Variants in ZNF808 observed in about 807,000 individuals in gnomAD.
ZNF808 encodes zinc finger protein 808.
A neutral mutation model predicts 8.7 loss-of-function variants in ZNF808; 5 were observed. That is an observed-to-expected ratio of 0.58 (90% confidence interval 0.30 to 1.21). The LOEUF (loss-of-function observed/expected upper bound fraction) is 1.21, where lower values mean the gene tolerates loss of function less well. Ranked by LOEUF, ZNF808 falls within the 50% of genes most tolerant of loss-of-function variation. ZNF808 has a pLI of 0.07. For missense variants in ZNF808, 1,103 were observed against 1,098.4 expected (o/e 1.00, Z -0.06); for synonymous variants, 380 against 366.0 (o/e 1.04, Z -0.44).
At chr19:52,563,604 G>A (rs12327639) in exon 4 of ZNF808, 50,226 of 153,498 alleles carry the variant, frequency 0.33, 8,680 homozygotes, top group African/African-American at 0.41. Flanking sequence ...ACAGGCTATG[G>A]AGTTGATGCC....
Position 52,553,619 on chromosome 19 carries a change from G to A in ZNF808, c.703G>A (p.Glu235Lys), listed in dbSNP as rs2059800509. 2.5e-6 allele frequency: 4 copies of A among 1,614,202 alleles called. No homozygotes were observed. The highest frequency in any genetic ancestry group is 2.2e-5 in the East Asian group (1 of 44,880). Reference sequence around the variant, plus strand: ...GAGAGAAAAATCTTTCCCATGTAATGAGAGTGGCAAAGCCTTTAATTGTAG... The same window carrying A: ...GAGAGAAAAATCTTTCCCATGTAATAAGAGTGGCAAAGCCTTTAATTGTAG... ...HMREKSFPCN[E>K]SGKAFNCSSL... Residue 235 changes from glutamate (E) to lysine (K), a missense_variant, in exon 5 of 5, where the codon GAG becomes AAG. Physicochemically the swap from Glu to Lys is moderately conservative, Grantham distance 56. Transcript: ENST00000359798.
Position 52,556,039 on chromosome 19 carries a change from G to C in ZNF808, c.*411G>C, listed in dbSNP as rs2059833326. 2 of 521,364 alleles carry C rather than the reference G, an allele frequency of 3.8e-6. No individual in the cohort carries two copies. The highest frequency in any genetic ancestry group is 3.1e-5 in the South Asian group (2 of 63,844). 32.3% of individuals were successfully genotyped at this position (521,364 alleles called of 1,614,324 possible). ...GAGAAAATTCATTTTTGAGATAACT[G>C]TTCCCAATGCAGTGAGTATAGCAAA... On this transcript the variant is annotated 3_prime_UTR_variant, in exon 5 of 5. Transcript: ENST00000359798.
intron 4 of ZNF808, among the ~76,000 whole-genome samples, chr19:52,552,201 T>C (rs1236521641): frequency 6.6e-6 from 1 of 151,704 alleles, no homozygotes; most frequent in African/African-American, 2.4e-5. Context: ...GTGTTTTTAG[T>C]AGAAACAGAG....
chr19:52,562,779 C>CT (rs34087948), intron 3 of ZNF808, among the ~76,000 whole-genome samples: 41 of 148,240 alleles, frequency 2.8e-4, no homozygotes, highest in Non-Finnish European at 4.2e-4. Context: ...TTAGTCAATT[C>CT]TTTTTTTTTT....
At position 52,555,270 on chromosome 19, in the gene ZNF808, A is replaced by G. The variant is rs1600041662; in HGVS notation, c.2354A>G (p.His785Arg). ...TCCCTTGTATACCATCGTAGACTTC[A>G]TACTGGAGAGAAATCTTACAAATGT... ...WSSLVYHRRL[H>R]TGEKSYKCTV... is the part of the protein sequence containing the mutation. Residue 785 changes from histidine (H) to arginine (R), a missense_variant, in exon 5 of 5, where the codon CAT (histidine) becomes CGT (arginine). His to Arg is a conservative substitution (Grantham distance 29). Transcript: ENST00000359798. 6.2e-7 allele frequency: 1 copy of G among 1,614,126 alleles called. No homozygotes were observed. Among genetic ancestry groups the G allele is most frequent in the Non-Finnish European group, 8.5e-7 (1 of 1,180,036 alleles).
chr19:52,541,806 C>G (rs2059673292), intron 2 of ZNF808, among the ~76,000 whole-genome samples: 1 of 152,152 alleles, frequency 6.6e-6, no homozygotes, highest in Non-Finnish European at 1.5e-5. Context: ...GGCGTCGCCC[C>G]TGAGCTCTAC....
In ZNF808 at chr19:52,531,004, C is replaced by G. The variant is rs1023515289; in HGVS notation, c.-121-1904C>G. ...CGCCCCCCAAAAAAAGAAAAATTAG[C>G]CAAGGGTGGTGGCATGCGTCTGTAG... is the stretch of plus-strand genomic sequence containing the variant. On this transcript the variant is annotated intron_variant, in intron 1 of 4. Transcript: ENST00000359798. Among the ~76,000 whole-genome samples, 63 of 151,918 alleles carry G rather than the reference C, an allele frequency of 4.1e-4. 2 individuals are homozygous for G. Among genetic ancestry groups the G allele is most frequent in the Admixed American group, 4.1e-3 (63 of 15,246 alleles).
chr19:52,561,212 C>CTA (rs374488821), downstream of ZNF808, among the ~76,000 whole-genome samples: 260 of 39,962 alleles, frequency 6.5e-3, no homozygotes, highest in African/African-American at 9.4e-3. Context: ...CTCTCTCTCT[C>CTA]TATATATATA....
At chr19:52,566,474 T>C (rs138386348), downstream of ZNF808, among the ~76,000 whole-genome samples, 2 of 152,128 alleles carry the variant, frequency 1.3e-5, no homozygotes, top group Non-Finnish European at 2.9e-5. Context: ...CCAAAAGATA[T>C]ATTTCTAGTA....
At chr19:52,560,361 ATAT>A (rs1247669398), downstream of ZNF808, among the ~76,000 whole-genome samples, 5 of 152,080 alleles carry the variant, frequency 3.3e-5, no homozygotes, top group East Asian at 3.9e-4. Context: ...ATAATTATTA[ATAT>A]TATTATTATT....
chr19:52,529,837 C>T (rs889927683), intron 1 of ZNF808, among the ~76,000 whole-genome samples: 1 of 151,878 alleles, frequency 6.6e-6, no homozygotes. Context: ...CCTCCTACCT[C>T]AGCCTTCTGA....
Position 52,554,915 on chromosome 19 carries a change from G to C in ZNF808, c.1999G>C (p.Val667Leu), listed in dbSNP as rs1339167503. The change falls in exon 5 of 5, where the codon GTA becomes CTA. Residue 667 changes from valine to leucine, a missense_variant. Physicochemically the swap from Val to Leu is conservative, Grantham distance 32. Coordinates refer to ENST00000359798, the MANE Select transcript of ZNF808 (RefSeq NM_001039886.4). ...GKTFSYKSSL[V>L]WHRRLHGGEK... Reference sequence around the variant, plus strand: ...GACCTTCAGTTACAAGTCATCACTTGTATGGCATCGTAGACTTCATGGTGG... The same window carrying C: ...GACCTTCAGTTACAAGTCATCACTTCTATGGCATCGTAGACTTCATGGTGG... 6.2e-7 allele frequency: 1 copy of C among 1,614,030 alleles called. No individual in the cohort carries two copies. Among genetic ancestry groups the C allele is most frequent in the Non-Finnish European group, 8.5e-7 (1 of 1,180,020 alleles).
intron 1 of ZNF808, among the ~76,000 whole-genome samples, chr19:52,529,498 A>C (rs1201929158): frequency 6.6e-6 from 1 of 152,188 alleles, no homozygotes; most frequent in African/African-American, 2.4e-5. Flanking sequence ...AACTTGTTTA[A>C]ATTATACAGA....
chr19:52,543,085 C>T (rs1004228388), intron 2 of ZNF808, among the ~76,000 whole-genome samples, 181 bp from the exon 3 acceptor site: 29 of 152,076 alleles, frequency 1.9e-4, no homozygotes, highest in African/African-American at 5.8e-4. Flanking sequence ...ATCTGAAGAC[C>T]GGGGTCAAAC....
rs374734568 is a variant in ZNF808, at chr19:52,553,665, A to G, written c.749A>G (p.Gln250Arg). The G allele has an allele frequency of 1.6e-4, 257 of 1,614,068 alleles. No individual in the cohort carries two copies. The highest frequency in any genetic ancestry group is 2.1e-4 in the Non-Finnish European group (242 of 1,180,026). ...TGTAGCTCACTCTTAAGGAAACACC[A>G]GATACCCCATTTAGGAGACAAACAA... ...FNCSSLLRKH[Q>R]IPHLGDKQYK... The change falls in exon 5 of 5, where the codon CAG becomes CGG. Residue 250 changes from glutamine to arginine, a missense_variant. Physicochemically the swap from Gln to Arg is conservative, Grantham distance 43 (BLOSUM62 1). Transcript: ENST00000359798.
Position 52,553,859 on chromosome 19 carries a change from T to G in ZNF808, c.943T>G (p.Tyr315Asp), listed in dbSNP as rs756631496. 6.2e-7 allele frequency: 1 copy of G among 1,614,114 alleles called. No homozygotes were observed. Residue 315 changes from tyrosine to aspartate, a missense_variant, in exon 5 of 5, where the codon TAC becomes GAC. Transcript: ENST00000359798. ...TAGACTTCATACTGGAGTAAAACCT[T>G]ACAAGTGTAATGAGTGTGGCAAGGT... ...HHRLHTGVKP[Y>D]KCNECGKVFR...
At chr19:52,545,861 C>T (rs1474089124) in intron 3 of ZNF808, among the ~76,000 whole-genome samples, 3 of 151,982 alleles carry the variant, frequency 2.0e-5, no homozygotes, top group Non-Finnish European at 2.9e-5. Flanking sequence ...TAGGATGCTC[C>T]GTGTTCTTAC....
chr19:52,555,735 T>A lies in ZNF808; in HGVS notation c.*107T>A. On this transcript the variant is annotated 3_prime_UTR_variant, in exon 5 of 5. Coordinates refer to ENST00000359798, the MANE Select transcript of ZNF808 (RefSeq NM_001039886.4). The stretch of plus-strand genomic sequence containing the variant: ...GAGTGTAATAAATGTGGCATGTTTT[T>A]CAGACATTGTTCATACATTGCAGTT... 1 of 1,481,472 alleles carries A rather than the reference T, an allele frequency of 6.8e-7. No homozygotes were observed. Among genetic ancestry groups the A allele is most frequent in the Non-Finnish European group, 9.2e-7 (1 of 1,089,870 alleles). The allele number at this position is 1,481,472 out of a possible 1,614,324, so 91.8% of individuals were successfully genotyped here.
At position 52,555,992 on chromosome 19, in the gene ZNF808, G is replaced by C. The variant is rs755495805; in HGVS notation, c.*364G>C. 1 of 611,194 alleles carries C rather than the reference G, an allele frequency of 1.6e-6. No homozygotes were observed. Among genetic ancestry groups the C allele is most frequent in the Non-Finnish European group, 3.2e-6 (1 of 315,462 alleles). 37.9% of individuals were successfully genotyped at this position (611,194 alleles called of 1,614,324 possible). A position where few individuals can be genotyped will look rare whatever the true frequency, so the allele number is the denominator to read the frequency against. On this transcript the variant is annotated 3_prime_UTR_variant, in exon 5 of 5. Transcript: ENST00000359798. Reference sequence around the variant, plus strand: ...ATCAGTGTGGCAAGGTCTTCAGTCCGAGGTCACTCCTTGCAGAACATGAGA... The same window carrying C: ...ATCAGTGTGGCAAGGTCTTCAGTCCCAGGTCACTCCTTGCAGAACATGAGA...
Sources: gnomAD v4.1 joint callset for allele counts (sites outside exome capture counted in the v4.1 genomes callset) on GRCh38, gnomAD v4.1.1 for gene constraint, MANE v1.5 for transcripts, NCBI Gene and HGNC (gene_info 2026-07-23, HGNC 2026-07-21) for gene names.